MFSD8: variants seen among roughly 807,000 people sequenced by gnomAD.
MFSD8 encodes major facilitator superfamily domain containing 8.
In MFSD8, 55 loss-of-function variants were observed where a neutral mutation model predicts 66.4. That is an observed-to-expected ratio of 0.83 (90% confidence interval 0.67 to 1.04). The LOEUF (loss-of-function observed/expected upper bound fraction) is 1.04. Ranked by LOEUF, MFSD8 falls within the 50% of genes least tolerant of loss-of-function variation. The pLI is 0.00. For synonymous variants in MFSD8, 202 were observed against 212.8 expected (o/e 0.95, Z 0.44); for missense variants, 550 against 627.6 (o/e 0.88, Z 1.32).
chr4:127,921,030 T>A, intron 11 of MFSD8, 194 bp from the exon 12 acceptor site: 1 of 614,952 alleles, frequency 1.6e-6, no homozygotes, highest in South Asian at 2.1e-5. Flanking sequence ...ATAAAAGGAG[T>A]GTAAAGGGAA....
intron 7 of MFSD8, chr4:127,934,782 C>T (rs1738772912): frequency 1.3e-5 from 2 of 152,146 alleles, no homozygotes; most frequent in South Asian, 4.1e-4. Context: ...TAGTCTCAAT[C>T]TCTTGACCTC....
chr4:127,965,283 C>T (rs1744897754), upstream of MFSD8: 8 of 952,552 alleles, frequency 8.4e-6, no homozygotes, highest in South Asian at 2.9e-5. Context: ...AGGTCATAGG[C>T]GGGGTCACGC....
intron 3 of MFSD8, 72 bp from the exon 4 acceptor site, chr4:127,944,064 C>A: frequency 6.3e-7 from 1 of 1,588,502 alleles, no homozygotes; most frequent in African/African-American, 1.4e-5. Context: ...ATTTGTCATA[C>A]CATGTAAGAT....
At chr4:127,926,034 A>G (rs1737145002) in intron 9 of MFSD8, among the ~76,000 whole-genome samples, 1 of 152,062 alleles carries the variant, frequency 6.6e-6, no homozygotes, top group Admixed American at 6.6e-5. Flanking sequence ...GAGTTGAACA[A>G]AGAGAATACA....
At position 127,921,892 on chromosome 4, in the gene MFSD8, C is replaced by T; in HGVS notation, c.1070G>A (p.Trp357Ter). 2 of 1,614,012 alleles carry T rather than the reference C, an allele frequency of 1.2e-6. No individual in the cohort carries two copies. The highest frequency in any genetic ancestry group is 1.7e-6 in the Non-Finnish European group (2 of 1,180,008). Reference sequence around the variant, plus strand: ...CTGTATTTTGGGAAATTGATTTCCCCAAGGTAACAAGATAAAGAAGCCAAC... The same window carrying T: ...CTGTATTTTGGGAAATTGATTTCCCTAAGGTAACAAGATAAAGAAGCCAAC... Reference protein sequence around the residue: ...VWVGFFILLPWGNQFPKIQWE... With the variant: ...VWVGFFILLP The change falls in exon 10 of 12, where the codon TGG becomes TAG. Residue 357 changes from tryptophan to a stop codon, truncating the protein, a stop_gained. Coordinates refer to ENST00000641686, the MANE Select transcript of MFSD8 (RefSeq NM_001371596.2). LOFTEE classifies it high-confidence loss of function.
chr4:127,930,857 A>G, intron 8 of MFSD8, 40 bp from the exon 9 acceptor site: 9 of 1,564,876 alleles, frequency 5.8e-6, no homozygotes, highest in Non-Finnish European at 7.0e-6. Context: ...TTTAAATCAC[A>G]GTAACTGTTA....
intron 1 of MFSD8, among the ~76,000 whole-genome samples, chr4:127,964,329 G>A (rs1744535372): frequency 6.6e-6 from 1 of 152,230 alleles, no homozygotes; most frequent in Non-Finnish European, 1.5e-5. Context: ...AGGAGCCCAC[G>A]GAGTGGGTGG....
intron 9 of MFSD8, among the ~76,000 whole-genome samples, chr4:127,923,276 G>T (rs1248555876): frequency 6.6e-6 from 1 of 152,072 alleles, no homozygotes; most frequent in Non-Finnish European, 1.5e-5. Flanking sequence ...GTCATAAATA[G>T]CGCTTATTAT....
At chr4:127,934,415 C>T (rs1738683295) in intron 7 of MFSD8, 1 of 152,022 alleles carries the variant, frequency 6.6e-6, no homozygotes, top group Non-Finnish European at 1.5e-5. Flanking sequence ...TGAACAACGC[C>T]TTAAGGTTAA....
intron 4 of MFSD8, 95 bp downstream of exon 4, chr4:127,943,657 T>C (rs1740568115): frequency 1.4e-6 from 2 of 1,434,758 alleles, no homozygotes; most frequent in African/African-American, 1.4e-5. Context: ...CTGTGAAATA[T>C]GAGTTTAAAA....
At chr4:127,935,082 T>C (rs1738840992) in intron 7 of MFSD8, among the ~76,000 whole-genome samples, 1 of 152,122 alleles carries the variant, frequency 6.6e-6, no homozygotes, top group African/African-American at 2.4e-5. Flanking sequence ...TCTGCTATAC[T>C]TAAAGGGAAT....
intron 4 of MFSD8, among the ~76,000 whole-genome samples, chr4:127,943,110 G>A (rs987181823): frequency 1.3e-5 from 2 of 151,826 alleles, no homozygotes; most frequent in Non-Finnish European, 2.9e-5. Context: ...CCAGCTACTC[G>A]GGAGGCTGAG....
intron 9 of MFSD8, among the ~76,000 whole-genome samples, chr4:127,929,322 C>CAAAAAAAAAAAAAAAAAAAAAAA (rs543453360): frequency 3.3e-5 from 1 of 30,364 alleles, no homozygotes; most frequent in African/African-American, 1.8e-4. Context: ...GACTCCGTCA[C>CAAAAAAAAAAAAAAAAAAAAAAA]AAAAAAAAAA....
intron 9 of MFSD8, among the ~76,000 whole-genome samples, chr4:127,923,061 T>C (rs1248171148): frequency 1.3e-5 from 2 of 152,222 alleles, no homozygotes; most frequent in East Asian, 1.9e-4. Flanking sequence ...ACAGCAATCA[T>C]GTCATCTGCA....
chr4:127,965,530 T>C (rs184316043), upstream of MFSD8: 558 of 304,600 alleles, frequency 1.8e-3, 7 homozygotes, highest in Admixed American at 0.021. Context: ...CAAAGTTGAG[T>C]CCTGGAAAGG....
intron 9 of MFSD8, among the ~76,000 whole-genome samples, chr4:127,924,851 G>C (rs1054699031): frequency 2.0e-5 from 3 of 152,056 alleles, no homozygotes; most frequent in Non-Finnish European, 4.4e-5. Flanking sequence ...ACACTACAAG[G>C]CTACAGTAAC....
rs752624076 is a variant in MFSD8 at position 127,965,088 on chromosome 4, C to T, written c.46G>A (p.Asp16Asn). 6 of 1,613,828 alleles carry T rather than the reference C, an allele frequency of 3.7e-6. No individual in the cohort carries two copies. Among genetic ancestry groups the T allele is most frequent in the Non-Finnish European group, 5.1e-6 (6 of 1,180,010 alleles). ...TCCGCTCACCTGCTTCCAGGTGTGT[C>T]GCCTAAGAGCGGCTCCTGTTCACTT... ...NESEQEPLLGDTPGSREWDIL... is the reference protein window; with the variant it reads ...NESEQEPLLGNTPGSREWDIL... Residue 16 changes from aspartate to asparagine, a missense_variant, in exon 1 of 12, where the codon GAC (aspartate) becomes AAC (asparagine). Asp to Asn is a conservative substitution (Grantham distance 23). Transcript: ENST00000641686.
intron 3 of MFSD8, among the ~76,000 whole-genome samples, chr4:127,947,863 AACACACACACACAC>A (rs10648496): frequency 2.1e-5 from 3 of 141,096 alleles, no homozygotes; most frequent in Non-Finnish European, 4.6e-5. Context: ...TGCACGTGTG[AACACACACACACAC>A]ACACACACAC....
intron 9 of MFSD8, among the ~76,000 whole-genome samples, chr4:127,929,322 CAAAAAAAAAAA>C (rs543453360): frequency 2.3e-4 from 7 of 30,364 alleles, no homozygotes; most frequent in African/African-American, 7.4e-4. Context: ...GACTCCGTCA[CAAAAAAAAAAA>C]AAAAAAAAAA....
Sources: gnomAD v4.1 joint callset for allele counts (sites outside exome capture counted in the v4.1 genomes callset) on GRCh38, gnomAD v4.1.1 for gene constraint, MANE v1.5 for transcripts, NCBI Gene and HGNC (gene_info 2026-07-23, HGNC 2026-07-21) for gene names.